DLG2: variants seen among roughly 807,000 people sequenced by gnomAD.
DLG2 encodes the protein disks large homolog 2.
DLG2 carries 45 observed loss-of-function variants against 132.5 expected under a neutral mutation model. The observed-to-expected ratio is 0.34, with a 90% CI of 0.27 to 0.44. The LOEUF is 0.44. DLG2 is among the 20% of genes least tolerant of loss of function. The probability of loss-of-function intolerance (pLI) is 1.00; values close to 1 mark genes in which losing one functional copy is unlikely to be tolerated. For synonymous variants in DLG2, 424 were observed against 419.6 expected, an observed-to-expected ratio of 1.01 and a Z score of -0.13; for missense variants, 1,045 against 1,196.9, an observed-to-expected ratio of 0.87 and a Z score of 1.87.
At chr11:84,288,636 C>T (rs1352577994) in intron 7 of DLG2, among the ~76,000 whole-genome samples, 3 of 151,990 alleles carry the variant, frequency 2.0e-5, no homozygotes, top group African/African-American at 7.2e-5. Flanking sequence ...TATTCACCCC[C>T]AAATGAAATT....
At chr11:85,492,378 A>G (rs1418638710) in intron 3 of DLG2, among the ~76,000 whole-genome samples, 1 of 152,166 alleles carries the variant, frequency 6.6e-6, no homozygotes, top group Admixed American at 6.5e-5. Context: ...CATTTTATAT[A>G]TAACTACAAA....
intron 3 of DLG2, among the ~76,000 whole-genome samples, chr11:85,583,128 GTGTATA>G (rs1418267065): frequency 1.4e-3 from 39 of 27,422 alleles, no homozygotes; most frequent in South Asian, 8.4e-3. Flanking sequence ...GTGTGTGTGT[GTGTATA>G]TATATATATA....
intron 19 of DLG2, among the ~76,000 whole-genome samples, chr11:83,587,059 G>A (rs1345708700): frequency 6.6e-6 from 1 of 152,182 alleles, no homozygotes; most frequent in East Asian, 1.9e-4. Context: ...TGTTCACAAA[G>A]GGTGTTGTGA....
At chr11:84,712,094 T>C (rs1245317249) in intron 6 of DLG2, among the ~76,000 whole-genome samples, 1 of 152,066 alleles carries the variant, frequency 6.6e-6, no homozygotes, top group African/African-American at 2.4e-5. Flanking sequence ...CAAAAGATAC[T>C]GGGAATGATT....
intron 10 of DLG2, among the ~76,000 whole-genome samples, chr11:84,066,780 A>G (rs1326419350): frequency 6.6e-6 from 1 of 152,050 alleles, no homozygotes; most frequent in Non-Finnish European, 1.5e-5. Flanking sequence ...AAAAAAGTAA[A>G]AAAAGGTAGA....
chr11:84,218,586 C>G, intron 8 of DLG2, among the ~76,000 whole-genome samples: 1 of 152,180 alleles, frequency 6.6e-6, no homozygotes, highest in East Asian at 1.9e-4. Flanking sequence ...TGTCTGTGAT[C>G]TCTTTCTCCT....
intron 7 of DLG2, among the ~76,000 whole-genome samples, chr11:84,366,918 A>T (rs1320864797): frequency 2.6e-5 from 4 of 152,144 alleles, no homozygotes; most frequent in Admixed American, 2.0e-4. Flanking sequence ...CAGAAAGTCA[A>T]CAAGGATACC....
intron 6 of DLG2, among the ~76,000 whole-genome samples, chr11:84,730,088 C>A (rs957466845): frequency 2.0e-4 from 30 of 151,944 alleles, no homozygotes; most frequent in Non-Finnish European, 3.2e-4. Flanking sequence ...TGAGAATATT[C>A]TTAGTGGCAA....
chr11:83,713,406 A>G (rs1303349762), intron 18 of DLG2, among the ~76,000 whole-genome samples: 6 of 152,238 alleles, frequency 3.9e-5, no homozygotes, highest in Non-Finnish European at 8.8e-5. Context: ...GAACATCAAA[A>G]ACACAAATAC....
At chr11:85,447,448 GAGA>G (rs1236480583) in intron 3 of DLG2, among the ~76,000 whole-genome samples, 9 of 152,214 alleles carry the variant, frequency 5.9e-5, no homozygotes, top group African/African-American at 2.2e-4. Context: ...ATAAGAAAAG[GAGA>G]AGATTAGGAC....
intron 4 of DLG2, among the ~76,000 whole-genome samples, chr11:85,282,334 C>A (rs888145767): frequency 1.3e-5 from 2 of 151,568 alleles, no homozygotes; most frequent in South Asian, 4.2e-4. Context: ...TTGTATATTT[C>A]AAAATAACTT....
chr11:85,530,432 T>C (rs2153191257), intron 3 of DLG2, among the ~76,000 whole-genome samples: 1 of 152,176 alleles, frequency 6.6e-6, no homozygotes, highest in South Asian at 2.1e-4. Context: ...GCGATTCTCC[T>C]GCCTCAGCCT....
intron 3 of DLG2, among the ~76,000 whole-genome samples, chr11:85,507,698 T>A (rs1365316083): frequency 6.6e-6 from 1 of 152,148 alleles, no homozygotes; most frequent in Non-Finnish European, 1.5e-5. Context: ...GAGTTGCTCT[T>A]CTCAAGGAGT....
chr11:85,496,667 A>T (rs1395516023), intron 3 of DLG2, among the ~76,000 whole-genome samples: 1 of 152,146 alleles, frequency 6.6e-6, no homozygotes, highest in Non-Finnish European at 1.5e-5. Context: ...ACCTCCCAGT[A>T]GGGGCCAACA....
At chr11:83,848,065 T>C (rs575090229) in intron 16 of DLG2, among the ~76,000 whole-genome samples, 69 of 151,952 alleles carry the variant, frequency 4.5e-4, no homozygotes, top group African/African-American at 1.6e-3. Flanking sequence ...CCTTTGTCTC[T>C]CTAGGTCTCA....
At chr11:84,095,158 G>A (rs1364298274) in intron 10 of DLG2, among the ~76,000 whole-genome samples, 3 of 151,964 alleles carry the variant, frequency 2.0e-5, no homozygotes, top group African/African-American at 7.2e-5. Context: ...AGGTATAATA[G>A]GAAAGGGGAT....
In DLG2 at chr11:84,494,766, G is replaced by A. The variant is rs558035729; in HGVS notation, c.519+39804C>T. Among the ~76,000 whole-genome samples, 7 of 152,250 alleles carry A rather than the reference G, an allele frequency of 4.6e-5. No individual in the cohort carries two copies. The South Asian group carries it at 1.4e-3, about 32-fold the overall frequency. ...AGCTATGCAAAGCCACAGGATCTAA[G>A]TGTTGGATGAGGTGTACAGAGGAAT... On this transcript the variant is annotated intron_variant, in intron 7 of 27. Coordinates refer to ENST00000376104, the MANE Select transcript of DLG2 (RefSeq NM_001142699.3).
intron 3 of DLG2, among the ~76,000 whole-genome samples, chr11:85,341,967 A>T (rs995201780): frequency 6.6e-6 from 1 of 152,192 alleles, no homozygotes; most frequent in Non-Finnish European, 1.5e-5. Flanking sequence ...AACAAATGAG[A>T]TATCTGTATA....
chr11:85,495,517 C>A (rs528135935), intron 3 of DLG2, among the ~76,000 whole-genome samples: 1 of 152,100 alleles, frequency 6.6e-6, no homozygotes, highest in Admixed American at 6.5e-5. Flanking sequence ...ATGCAGCCAA[C>A]AAACATGAAA....
Sources: allele counts gnomAD v4.1 joint callset (sites outside exome capture counted in the v4.1 genomes callset), GRCh38; gene constraint gnomAD v4.1.1; transcripts MANE v1.5; gene names NCBI Gene and HGNC (gene_info 2026-07-23, HGNC 2026-07-21).